Variants in ATP6V1H observed in about 807,000 individuals in gnomAD.
ATP6V1H encodes the protein V-type proton ATPase subunit H.
In ATP6V1H, 39 loss-of-function variants were observed where a neutral mutation model predicts 71.7. The ratio of observed to expected loss-of-function variants is 0.54; its 90% CI spans 0.42 to 0.71. The LOEUF (loss-of-function observed/expected upper bound fraction) is 0.71. ATP6V1H is among the 30% of genes least tolerant of loss of function. The pLI is 0.00. For synonymous variants in ATP6V1H, 192 were observed against 199.3 expected, an observed-to-expected ratio of 0.96 and a Z score of 0.31; for missense variants, 509 against 594.9, an observed-to-expected ratio of 0.86 and a Z score of 1.50.
chr8:53,724,213 G>A (rs923937024), intron 13 of ATP6V1H, among the ~76,000 whole-genome samples: 6 of 152,252 alleles, frequency 3.9e-5, no homozygotes, highest in South Asian at 2.1e-4. Context: ...TAAAAGGTCC[G>A]GAAACCCAAG....
chr8:53,804,143 A>G (rs979199481), intron 7 of ATP6V1H, among the ~76,000 whole-genome samples: 1 of 152,238 alleles, frequency 6.6e-6, no homozygotes, highest in Non-Finnish European at 1.5e-5. Flanking sequence ...GGCAGTAGCC[A>G]TACCATTCCA....
At chr8:53,820,201 G>A (rs549369867) in intron 4 of ATP6V1H, among the ~76,000 whole-genome samples, 1 of 151,916 alleles carries the variant, frequency 6.6e-6, no homozygotes, top group Non-Finnish European at 1.5e-5. Context: ...TGAAGAAACT[G>A]AAAAAGAGTA....
At chr8:53,717,634 G>C (rs1018615100) in intron 13 of ATP6V1H, among the ~76,000 whole-genome samples, 3 of 152,058 alleles carry the variant, frequency 2.0e-5, no homozygotes, top group Non-Finnish European at 1.5e-5. Flanking sequence ...ATCTTTGTTA[G>C]ACAGGAAAAA....
chr8:53,814,602 G>T, intron 6 of ATP6V1H, 60 bp downstream of exon 6: 1 of 940,398 alleles, frequency 1.1e-6, no homozygotes, highest in South Asian at 1.5e-5. Context: ...ACTATAAATA[G>T]CTTAAAAGAA....
chr8:53,814,783 G>C lies in ATP6V1H; in HGVS notation c.421-17C>G, dbSNP rs993576135. 2 of 1,546,100 alleles carry C rather than the reference G, an allele frequency of 1.3e-6. No individual in the cohort carries two copies. The highest frequency in any genetic ancestry group is 1.4e-5 in the African/African-American group (1 of 73,178). On this transcript the variant is annotated splice_polypyrimidine_tract_variant and intron_variant, in intron 5 of 13. Transcript: ENST00000359530. ...TCTTGCTGCCTGAAAACAAATAAGA[G>C]ATACATTTAACGCAACATTAATTCT...
intron 10 of ATP6V1H, among the ~76,000 whole-genome samples, chr8:53,771,468 A>C (rs1447578787): frequency 1.3e-5 from 2 of 152,262 alleles, no homozygotes; most frequent in East Asian, 3.9e-4. Flanking sequence ...TTTGGAAGCA[A>C]ACACAAGAGA....
At chr8:53,722,487 T>C in intron 13 of ATP6V1H, among the ~76,000 whole-genome samples, 1 of 152,196 alleles carries the variant, frequency 6.6e-6, no homozygotes, top group African/African-American at 2.4e-5. Context: ...AGAACGTTTA[T>C]TTTCTATTTA....
At chr8:53,831,538 G>T (rs965820069) in intron 3 of ATP6V1H, among the ~76,000 whole-genome samples, 1 of 152,170 alleles carries the variant, frequency 6.6e-6, no homozygotes, top group African/African-American at 2.4e-5. Context: ...ATCTGAAAAT[G>T]TGTAACACTA....
intron 7 of ATP6V1H, among the ~76,000 whole-genome samples, chr8:53,807,715 T>C (rs1810132157): frequency 6.6e-6 from 1 of 152,218 alleles, no homozygotes; most frequent in South Asian, 2.1e-4. Flanking sequence ...TGTTGAAATG[T>C]TATGAAGTTA....
intron 8 of ATP6V1H, among the ~76,000 whole-genome samples, chr8:53,798,927 A>T (rs892257340): frequency 6.6e-6 from 1 of 152,296 alleles, no homozygotes; most frequent in Admixed American, 6.5e-5. Flanking sequence ...ATACTAAGGT[A>T]CTAGCCATCA....
intron 13 of ATP6V1H, among the ~76,000 whole-genome samples, chr8:53,720,797 G>A (rs1806585428): frequency 6.6e-6 from 1 of 151,584 alleles, no homozygotes; most frequent in South Asian, 2.1e-4. Context: ...TTCCTTTTTT[G>A]GCCTTGCCTG....
chr8:53,733,893 A>G (rs547418190), intron 13 of ATP6V1H, among the ~76,000 whole-genome samples: 1 of 152,276 alleles, frequency 6.6e-6, no homozygotes, highest in East Asian at 1.9e-4. Context: ...TGCATCAGAG[A>G]GAGAAAAAAT....
intron 3 of ATP6V1H, 27 bp from the exon 4 acceptor site, chr8:53,829,560 ATT>A (rs1347728898): frequency 1.4e-6 from 2 of 1,408,136 alleles, no homozygotes; most frequent in African/African-American, 2.9e-5. Flanking sequence ...AATTAAAGTT[ATT>A]GTTTTTATTT....
At chr8:53,812,033 G>A (rs987804008) in intron 6 of ATP6V1H, among the ~76,000 whole-genome samples, 64 of 152,316 alleles carry the variant, frequency 4.2e-4, no homozygotes, top group Admixed American at 9.8e-4. Flanking sequence ...TCTAGATGTA[G>A]CACTATCGCA....
chr8:53,822,002 A>G (rs1348000172), intron 4 of ATP6V1H, among the ~76,000 whole-genome samples: 1 of 152,206 alleles, frequency 6.6e-6, no homozygotes, highest in African/African-American at 2.4e-5. Context: ...AAAATTTAAA[A>G]ATAGCTGATT....
chr8:53,820,721 C>T (rs1316568683), intron 4 of ATP6V1H, among the ~76,000 whole-genome samples: 15 of 150,288 alleles, frequency 1.0e-4, no homozygotes, highest in Admixed American at 9.9e-4. Context: ...GTGGCTCACA[C>T]CTGTAATCCC....
At chr8:53,755,725 TATATATATATATATATATA>T (rs1352265477) in intron 12 of ATP6V1H, among the ~76,000 whole-genome samples, 86 of 7,882 alleles carry the variant, frequency 0.011, 4 homozygotes, top group Middle Eastern at 0.022. Context: ...TATATATATA[TATATATATATATATATATA>T]TTTTTTTTTT....
intron 9 of ATP6V1H, among the ~76,000 whole-genome samples, chr8:53,786,037 C>T (rs1021838837): frequency 7.2e-5 from 11 of 152,182 alleles, no homozygotes; most frequent in Non-Finnish European, 1.3e-4. Context: ...AAGCTGCGTG[C>T]TGGGAGAACC....
chr8:53,741,639 T>A (rs536360720), intron 13 of ATP6V1H, among the ~76,000 whole-genome samples: 2 of 152,188 alleles, frequency 1.3e-5, no homozygotes, highest in Non-Finnish European at 2.9e-5. Flanking sequence ...AAATCTGGCT[T>A]GGGGTAAAGT....
Sources: gnomAD v4.1 joint callset for allele counts (sites outside exome capture counted in the v4.1 genomes callset) on GRCh38, gnomAD v4.1.1 for gene constraint, MANE v1.5 for transcripts, NCBI Gene and HGNC (gene_info 2026-07-23, HGNC 2026-07-21) for gene names.